The following SCN11A variants were observed in gnomAD, a reference collection of about 807,000 sequenced individuals.
The protein encoded by SCN11A is sodium channel protein type 11 subunit alpha.
SCN11A carries 122 observed loss-of-function variants against 162.2 expected under a neutral mutation model. That is an observed-to-expected ratio of 0.75 (90% CI 0.65 to 0.87). The LOEUF (loss-of-function observed/expected upper bound fraction) is 0.87. Ranked by LOEUF, SCN11A falls within the 40% of genes least tolerant of loss-of-function variation. The probability of loss-of-function intolerance (pLI) is 0.00; values close to 1 mark genes in which losing one functional copy is unlikely to be tolerated. For missense variants in SCN11A, 2,015 were observed against 2,181.6 expected (o/e 0.92, Z 1.52); for synonymous variants, 758 against 751.5 (o/e 1.01, Z -0.14).
intron 1 of SCN11A, among the ~76,000 whole-genome samples, chr3:39,040,189 A>G (rs1267458821): frequency 6.6e-6 from 1 of 152,236 alleles, no homozygotes; most frequent in Non-Finnish European, 1.5e-5. Flanking sequence ...ATAAATGTCA[A>G]CAGTCTATGC....
In SCN11A at chr3:39,046,624, C is replaced by T. The variant is rs930828769; in HGVS notation, c.-404+5237G>A. On this transcript the variant is annotated intron_variant, in intron 1 of 29. Transcript: ENST00000302328. ...TAACCTCAAAATATACCATACAAAG[C>T]TACACTAAACAAAACAGCATAGTAC... Among the ~76,000 whole-genome samples, 14 of 152,098 alleles carry T rather than the reference C, an allele frequency of 9.2e-5. 1 individual carries two copies. The highest frequency in any genetic ancestry group is 9.2e-4 in the Admixed American group (14 of 15,266).
At chr3:38,985,867 A>G (rs2030220250) in intron 2 of SCN11A, among the ~76,000 whole-genome samples, 1 of 150,906 alleles carries the variant, frequency 6.6e-6, no homozygotes, top group Non-Finnish European at 1.5e-5. Flanking sequence ...GGGTTCCTCC[A>G]GCTCATGATC....
Position 38,990,116 on chromosome 3 carries a change from C to A in SCN11A, c.-279-29693G>T, listed in dbSNP as rs149273644. ...TCAGGGGAAGTGCAGAGCATTGCTG[C>A]CCTTAGGGCCCTGGTGCTGCCGAGA... On this transcript the variant is annotated intron_variant, in intron 2 of 29. Coordinates refer to ENST00000302328, the MANE Select transcript of SCN11A (RefSeq NM_001349253.2). Among the ~76,000 whole-genome samples the A allele has an allele frequency of 4.7e-3, 714 of 152,326 alleles. 5 individuals are homozygous for A. The highest frequency in any genetic ancestry group is 0.017 in the African/African-American group (699 of 41,570).
intron 2 of SCN11A, among the ~76,000 whole-genome samples, chr3:39,013,558 A>G (rs2031206779): frequency 6.6e-6 from 1 of 152,218 alleles, no homozygotes; most frequent in African/African-American, 2.4e-5. Flanking sequence ...AGTCACAGGA[A>G]GAAAGGGAGA....
At chr3:39,049,615 G>A (rs2125620736) in intron 1 of SCN11A, among the ~76,000 whole-genome samples, 1 of 152,326 alleles carries the variant, frequency 6.6e-6, no homozygotes. Flanking sequence ...ACCCAGCGGT[G>A]GCTTGGTGAT....
chr3:39,031,631 TGAAC>T (rs2031754578), intron 2 of SCN11A, among the ~76,000 whole-genome samples: 1 of 152,168 alleles, frequency 6.6e-6, no homozygotes, highest in Non-Finnish European at 1.5e-5. Flanking sequence ...TACACAACTT[TGAAC>T]TTAAACATTT....
intron 7 of SCN11A, among the ~76,000 whole-genome samples, chr3:38,936,611 C>G (rs1180406497): frequency 6.6e-6 from 1 of 150,578 alleles, no homozygotes; most frequent in Non-Finnish European, 1.5e-5. Flanking sequence ...TGAGTGAACT[C>G]CCATTCACAA....
rs112511610 is a variant in SCN11A, at chr3:39,013,434, C to T, written c.-280+18946G>A. The stretch of plus-strand genomic sequence containing the variant: ...AGAGGAAGAAATTCTCTGGCTTCTG[C>T]CTTTTTTTTTTTTTTCCAGTCTCCC... On this transcript the variant is annotated intron_variant, in intron 2 of 29. Coordinates refer to ENST00000302328, the MANE Select transcript of SCN11A (RefSeq NM_001349253.2). 4.6e-3 allele frequency among the ~76,000 whole-genome samples: 687 copies of T among 149,234 alleles called. 1 individual carries two copies. Among genetic ancestry groups the T allele is most frequent in the Non-Finnish European group, 8.0e-3 (542 of 67,756 alleles).
Position 38,900,001 on chromosome 3 carries a change from G to A in SCN11A, c.1915C>T (p.Arg639Ter), listed in dbSNP as rs770933380. ...IALDPYHYFRRGWNIFDSIVA... is the reference protein window; with the variant it reads ...IALDPYHYFR ...ATGCTGTCAAAAATGTTCCAGCCTC[G>A]GCGAAAGTAGTGGTAGGGATCGAGC... is the stretch of plus-strand genomic sequence containing the variant. The change falls in exon 17 of 30, where the codon CGA becomes TGA. Residue 639 changes from arginine (R) to a stop codon, truncating the protein, a stop_gained. Transcript: ENST00000302328. LOFTEE classifies it high-confidence loss of function. 4.3e-6 allele frequency: 7 copies of A among 1,614,050 alleles called. No homozygotes were observed. Among genetic ancestry groups the A allele is most frequent in the Non-Finnish European group, 5.9e-6 (7 of 1,179,982 alleles).
intron 12 of SCN11A, among the ~76,000 whole-genome samples, chr3:38,909,570 T>G (rs1211077570): frequency 6.6e-6 from 1 of 151,248 alleles, no homozygotes. Context: ...CATTTAAAAT[T>G]TTCTTGAAGT....
chr3:38,886,206 G>A lies in SCN11A; in HGVS notation c.2868C>T (p.Pro956=). The A allele has an allele frequency of 6.2e-7, 1 of 1,612,714 alleles. No individual in the cohort carries two copies. The highest frequency in any genetic ancestry group is 1.1e-5 in the South Asian group (1 of 90,992). ...AYELHQENKK[P]TSQRVQSVEI... ...CCACACTTTGAACTCTCTGGCTCGT[G>A]GGCTTCTTGTTCTCCTGATGGAGCT... The change falls in exon 20 of 30, where the codon CCC becomes CCT. Residue 956 remains proline, a synonymous_variant. Transcript: ENST00000302328.
chr3:38,983,855 A>C (rs896026936), intron 2 of SCN11A, among the ~76,000 whole-genome samples: 5 of 150,466 alleles, frequency 3.3e-5, no homozygotes, highest in African/African-American at 1.2e-4. Flanking sequence ...AGTTAGAGAG[A>C]GAAATTACTT....
chr3:39,031,540 AAC>A lies in SCN11A; in HGVS notation c.-280+838_-280+839del, dbSNP rs200825425. The stretch of plus-strand genomic sequence containing the variant: ...GATTCTGTCAAACAAAAAACAAACA[AAC>A]AAAAAAAAAACAAACAAAGAAGGAA... On this transcript the variant is annotated intron_variant, in intron 2 of 29. Transcript: ENST00000302328. Among the ~76,000 whole-genome samples, 1,295 of 133,328 alleles carry A rather than the reference AAC, an allele frequency of 9.7e-3. 26 individuals carry two copies. Among genetic ancestry groups the A allele is most frequent in the African/African-American group, 0.051 (1,240 of 24,548 alleles). 87.5% of individuals were successfully genotyped at this position (133,328 alleles called of 152,430 possible). A position where few individuals can be genotyped will look rare whatever the true frequency, so the allele number is the denominator to read the frequency against.
At chr3:38,905,696 GA>G (rs1380522090) in intron 14 of SCN11A, among the ~76,000 whole-genome samples, 1 of 152,224 alleles carries the variant, frequency 6.6e-6, no homozygotes, top group Non-Finnish European at 1.5e-5. Context: ...TTAAAGGTAA[GA>G]AGTGGAGTAT....
chr3:38,943,551 T>C, intron 7 of SCN11A, among the ~76,000 whole-genome samples: 1 of 152,194 alleles, frequency 6.6e-6, no homozygotes, highest in Non-Finnish European at 1.5e-5. Flanking sequence ...AATATAGAAC[T>C]TTTAAGTTAA....
intron 2 of SCN11A, among the ~76,000 whole-genome samples, chr3:39,013,884 T>C (rs1488832132): frequency 6.6e-6 from 1 of 152,256 alleles, no homozygotes; most frequent in Non-Finnish European, 1.5e-5. Context: ...TGAAAGTCTT[T>C]GTGCAAAACC....
chr3:39,030,025 C>T (rs2031707316), intron 2 of SCN11A, among the ~76,000 whole-genome samples: 1 of 152,144 alleles, frequency 6.6e-6, no homozygotes. Context: ...GGTTGCCAGC[C>T]CACAGTGCTT....
At chr3:38,876,252 C>G (rs2065205203) in intron 23 of SCN11A, among the ~76,000 whole-genome samples, 1 of 151,988 alleles carries the variant, frequency 6.6e-6, no homozygotes, top group Admixed American at 6.6e-5. Flanking sequence ...TGAAACCATA[C>G]AAATTCTAGA....
chr3:39,014,148 G>A (rs544122152), intron 2 of SCN11A, among the ~76,000 whole-genome samples: 5 of 152,156 alleles, frequency 3.3e-5, no homozygotes, highest in African/African-American at 9.6e-5. Flanking sequence ...AATTTTTGTG[G>A]TCACTCTTAC....
Sources: allele counts gnomAD v4.1 joint callset (sites outside exome capture counted in the v4.1 genomes callset), GRCh38; gene constraint gnomAD v4.1.1; transcripts MANE v1.5; gene names NCBI Gene and HGNC (gene_info 2026-07-23, HGNC 2026-07-21).